Variants in DOCK5 observed in about 807,000 individuals in gnomAD.
DOCK5 encodes the protein dedicator of cytokinesis 5, also known as dedicator of cytokinesis protein 5.
Under a neutral mutation model 251.8 loss-of-function variants are expected in DOCK5, and 142 were observed. The observed-to-expected ratio is 0.56, with a 90% CI of 0.49 to 0.65. The LOEUF is 0.65. Among genes scored for constraint, DOCK5 ranks in the 30% least tolerant of loss-of-function variants. The pLI, the probability that DOCK5 is intolerant of heterozygous loss-of-function variation, is 0.00. For synonymous variants in DOCK5, 842 were observed against 835.5 expected (o/e 1.01, Z -0.13); for missense variants, 2,111 against 2,312.3 (o/e 0.91, Z 1.79).
intron 1 of DOCK5, among the ~76,000 whole-genome samples, chr8:25,194,859 T>C (rs1443823421): frequency 1.2e-4 from 18 of 152,132 alleles, no homozygotes; most frequent in Non-Finnish European, 1.2e-4. Flanking sequence ...AGATTACTGC[T>C]GCTGATGTTT....
intron 14 of DOCK5, among the ~76,000 whole-genome samples, chr8:25,318,441 T>C (rs1455971375): frequency 2.0e-5 from 3 of 151,510 alleles, no homozygotes; most frequent in Admixed American, 6.6e-5. Context: ...TCTTTTTTTT[T>C]CTCTGTCTTT....
At chr8:25,359,113 TA>T in intron 28 of DOCK5, 52 bp downstream of exon 28, 3 of 1,510,678 alleles carry the variant, frequency 2.0e-6, no homozygotes, top group Non-Finnish European at 2.8e-6. Context: ...AAATTTGGTT[TA>T]AAAAAATGAC....
In DOCK5 at chr8:25,245,559, A is replaced by ATTT. The variant is rs1378344835; in HGVS notation, c.127+1802_127+1803insTTT. Among the ~76,000 whole-genome samples, 105 of 128,084 alleles carry ATTT rather than the reference A, an allele frequency of 8.2e-4. 1 individual carries two copies. Among genetic ancestry groups the ATTT allele is most frequent in the Admixed American group, 1.6e-3 (20 of 12,524 alleles). 84.0% of individuals were successfully genotyped at this position (128,084 alleles called of 152,430 possible). A position where few individuals can be genotyped will look rare whatever the true frequency, so the allele number is the denominator to read the frequency against. ...CAAAGTTCTTTTTTTTTTTTTTTTG[A>ATTT]GATGGAGTCTCATTCTGTCGTCCAG... On this transcript the variant is annotated intron_variant, in intron 2 of 51. Coordinates refer to ENST00000276440, the MANE Select transcript of DOCK5 (RefSeq NM_024940.8).
chr8:25,230,394 G>A (rs910911462), intron 1 of DOCK5, among the ~76,000 whole-genome samples: 1 of 152,116 alleles, frequency 6.6e-6, no homozygotes, highest in Middle Eastern at 3.2e-3. Context: ...TGTGCTAAAC[G>A]TCGCGAACCA....
intron 10 of DOCK5, among the ~76,000 whole-genome samples, chr8:25,302,965 G>A (rs1804807552): frequency 6.6e-6 from 1 of 152,160 alleles, no homozygotes; most frequent in Non-Finnish European, 1.5e-5. Flanking sequence ...GGGAAGATGA[G>A]AAAGTTCTAG....
chr8:25,383,095 A>G (rs1586382319), intron 40 of DOCK5, among the ~76,000 whole-genome samples: 1 of 152,332 alleles, frequency 6.6e-6, no homozygotes, highest in South Asian at 2.1e-4. Context: ...GTTGTTTACC[A>G]TGTTTCTAGC....
At chr8:25,378,790 CTA>C (rs1341535516) in intron 38 of DOCK5, among the ~76,000 whole-genome samples, 1 of 152,330 alleles carries the variant, frequency 6.6e-6, no homozygotes. Context: ...AAATTCCACA[CTA>C]TCGGGGAAAC....
At chr8:25,244,242 A>G (rs780809979) in intron 2 of DOCK5, among the ~76,000 whole-genome samples, 2 of 152,218 alleles carry the variant, frequency 1.3e-5, no homozygotes, top group Non-Finnish European at 2.9e-5. Flanking sequence ...CTGATTGTAT[A>G]TCTCCTTCAA....
At chr8:25,228,766 A>G (rs1330596342) in intron 1 of DOCK5, among the ~76,000 whole-genome samples, 1 of 152,074 alleles carries the variant, frequency 6.6e-6, no homozygotes, top group African/African-American at 2.4e-5. Context: ...TTCCAGATAT[A>G]TTTTATTACC....
intron 1 of DOCK5, among the ~76,000 whole-genome samples, chr8:25,213,553 T>G (rs1802156760): frequency 6.6e-6 from 1 of 152,240 alleles, no homozygotes; most frequent in East Asian, 1.9e-4. Context: ...TTTTTACTCT[T>G]GTTTAGGGTC....
intron 3 of DOCK5, among the ~76,000 whole-genome samples, chr8:25,275,176 C>G (rs1804012808): frequency 6.6e-6 from 1 of 152,150 alleles, no homozygotes; most frequent in Admixed American, 6.5e-5. Context: ...GCTCTCTGAA[C>G]CCAAATTTTA....
Position 25,332,251 on chromosome 8 carries a change from T to A in DOCK5, c.1904T>A (p.Val635Asp). The change falls in exon 19 of 52, where the codon GTT becomes GAT. Residue 635 changes from valine (V) to aspartate (D), a missense_variant and splice_region_variant. Physicochemically the swap from Val to Asp is radical, Grantham distance 152. Around this residue, in one of 3 missense-constraint regions of DOCK5, gnomAD observed 1,717 missense variants for 1,892.4 expected, o/e 0.91. Transcript: ENST00000276440. ...TAATGTTTGTGGTTGTTCTTCCTAG[T>A]TGACCTGTTAGGCTTGTTAAATTGG... Reference protein sequence around the residue: ...LICSTKLTQNVDLLGLLNWRS... With the variant: ...LICSTKLTQNDDLLGLLNWRS... 6.2e-7 allele frequency: 1 copy of A among 1,613,064 alleles called. No individual in the cohort carries two copies. Among genetic ancestry groups the A allele is most frequent in the Non-Finnish European group, 8.5e-7 (1 of 1,179,184 alleles).
At position 25,192,892 on chromosome 8, in the gene DOCK5, G is replaced by T. The variant is rs114907640; in HGVS notation, c.43+7941G>T. ...ATTTTAGCAGTTACTGAAAAAGAAA[G>T]CCTTATCTTTCTACCACTACTTGCT... On this transcript the variant is annotated intron_variant, in intron 1 of 51. Coordinates refer to ENST00000276440, the MANE Select transcript of DOCK5 (RefSeq NM_024940.8). 4.6e-3 allele frequency among the ~76,000 whole-genome samples: 708 copies of T among 152,286 alleles called. 8 individuals carry two copies. The highest frequency in any genetic ancestry group is 0.016 in the African/African-American group (661 of 41,554).
intron 25 of DOCK5, among the ~76,000 whole-genome samples, chr8:25,344,916 A>G (rs768593137): frequency 2.6e-5 from 4 of 152,218 alleles, no homozygotes; most frequent in Non-Finnish European, 4.4e-5. Context: ...TGAACTCATT[A>G]TAAAATGTGT....
chr8:25,256,846 CA>C (rs1275309748), intron 2 of DOCK5, among the ~76,000 whole-genome samples: 1 of 151,682 alleles, frequency 6.6e-6, no homozygotes, highest in Non-Finnish European at 1.5e-5. Flanking sequence ...TTATTCTAGC[CA>C]CAGTCTTAGG....
rs149379707 is a variant in DOCK5, at chr8:25,261,967, C to T, written c.128-6878C>T. Among the ~76,000 whole-genome samples, 910 of 152,172 alleles carry T rather than the reference C, an allele frequency of 6.0e-3. 2 individuals carry two copies. The highest frequency in any genetic ancestry group is 0.037 in the Middle Eastern group (11 of 294). ...TGTATTGCCAGGTATAACTATATTA[C>T]GTATTATATATCATAGTTATAGTAT... On this transcript the variant is annotated intron_variant, in intron 2 of 51. Transcript: ENST00000276440.
At chr8:25,246,261 T>TTTG (rs944838780) in intron 2 of DOCK5, among the ~76,000 whole-genome samples, 2 of 151,956 alleles carry the variant, frequency 1.3e-5, no homozygotes, top group Non-Finnish European at 2.9e-5. Flanking sequence ...ATCCTTTCTT[T>TTTG]TTGTTGTTGT....
chr8:25,247,509 A>G (rs1025409908), intron 2 of DOCK5, among the ~76,000 whole-genome samples: 6 of 151,856 alleles, frequency 4.0e-5, no homozygotes, highest in African/African-American at 1.5e-4. Flanking sequence ...AGGTGGGAGG[A>G]TTGCTTGAGC....
intron 1 of DOCK5, among the ~76,000 whole-genome samples, chr8:25,216,208 G>A (rs1010193637): frequency 7.2e-6 from 1 of 138,560 alleles, no homozygotes; most frequent in African/African-American, 2.7e-5. Context: ...TACAATATGT[G>A]CATACAATAT....
Sources: gnomAD v4.1 joint callset for allele counts (sites outside exome capture counted in the v4.1 genomes callset) on GRCh38, gnomAD v4.1.1 for gene constraint, gnomAD v4.1.1 regional missense constraint, MANE v1.5 for transcripts, NCBI Gene and HGNC (gene_info 2026-07-23, HGNC 2026-07-21) for gene names.